DPP6: variants seen among roughly 807,000 people sequenced by gnomAD.
The protein encoded by DPP6 is dipeptidyl peptidase like 6.
Under a neutral mutation model 122.6 loss-of-function variants are expected in DPP6, and 69 were observed. That is an observed-to-expected ratio of 0.56 (90% confidence interval 0.46 to 0.69). The LOEUF is 0.69. Ranked by LOEUF, DPP6 falls within the 30% of genes least tolerant of loss-of-function variation. DPP6 has a pLI of 0.00. For synonymous variants in DPP6, 418 were observed against 433.1 expected (o/e 0.97, Z 0.43); for missense variants, 928 against 1,116.9 (o/e 0.83, Z 2.41).
intron 5 of DPP6, among the ~76,000 whole-genome samples, chr7:154,580,867 A>T (rs1832019827): frequency 6.6e-6 from 1 of 152,160 alleles, no homozygotes; most frequent in Non-Finnish European, 1.5e-5. Context: ...GTATCAAAAG[A>T]AGGCAGAAGA....
At chr7:154,851,600 T>C (rs1385498757) in intron 16 of DPP6, among the ~76,000 whole-genome samples, 3 of 152,178 alleles carry the variant, frequency 2.0e-5, no homozygotes, top group African/African-American at 7.2e-5. Flanking sequence ...TGCTGCCTCT[T>C]TGGGTATAAA....
At chr7:154,370,727 C>T (rs189679565) in intron 1 of DPP6, among the ~76,000 whole-genome samples, 1 of 152,312 alleles carries the variant, frequency 6.6e-6, no homozygotes, top group East Asian at 1.9e-4. Context: ...CAGAAATACT[C>T]AACCTAGATT....
intron 1 of DPP6, among the ~76,000 whole-genome samples, chr7:153,909,889 G>C (rs1253133676): frequency 6.6e-6 from 1 of 152,082 alleles, no homozygotes; most frequent in Non-Finnish European, 1.5e-5. Flanking sequence ...GGATATTGGA[G>C]CTGACACTGC....
At chr7:154,080,048 G>A (rs141561864) in intron 1 of DPP6, among the ~76,000 whole-genome samples, 7,572 of 150,812 alleles carry the variant, frequency 0.05, 558 homozygotes, top group African/African-American at 0.17. Context: ...ACGAGATAGC[G>A]CAGGCTGGGG....
chr7:154,470,588 TTTAACAAA>T (rs1482737606), intron 2 of DPP6, among the ~76,000 whole-genome samples: 1 of 152,184 alleles, frequency 6.6e-6, no homozygotes, highest in African/African-American at 2.4e-5. Context: ...AATTTTACTA[TTTAACAAA>T]TATCTGAGGA....
chr7:153,757,344 C>A, the DPP6 span, among the ~76,000 whole-genome samples: 1 of 152,160 alleles, frequency 6.6e-6, no homozygotes, highest in Non-Finnish European at 1.5e-5. Context: ...GTGCGCACAG[C>A]AGAACAAGTT....
chr7:153,935,070 C>G (rs1801367628), intron 1 of DPP6, among the ~76,000 whole-genome samples: 1 of 152,202 alleles, frequency 6.6e-6, no homozygotes, highest in African/African-American at 2.4e-5. Flanking sequence ...GGCGAATGTC[C>G]TGACATAACG....
the DPP6 span, among the ~76,000 whole-genome samples, chr7:153,825,035 C>G: frequency 1.3e-5 from 2 of 152,084 alleles, no homozygotes; most frequent in Non-Finnish European, 2.9e-5. Flanking sequence ...CTCAGTCACG[C>G]TACTCAGCTG....
At chr7:153,802,844 A>G in the DPP6 span, among the ~76,000 whole-genome samples, 1 of 152,168 alleles carries the variant, frequency 6.6e-6, no homozygotes, top group Non-Finnish European at 1.5e-5. Flanking sequence ...CTTTGAGGAC[A>G]CACCGAGGAT....
At chr7:154,441,586 A>G (rs77253090) in intron 1 of DPP6, among the ~76,000 whole-genome samples, 2,882 of 152,274 alleles carry the variant, frequency 0.019, 34 homozygotes, top group East Asian at 0.025. Context: ...AGGCAAATCC[A>G]TGAGAGATAC....
At chr7:154,347,977 T>C (rs1357550413) in intron 1 of DPP6, among the ~76,000 whole-genome samples, 1 of 152,160 alleles carries the variant, frequency 6.6e-6, no homozygotes, top group East Asian at 1.9e-4. Flanking sequence ...AACGTTGAAA[T>C]CATTTGTTTT....
intron 1 of DPP6, among the ~76,000 whole-genome samples, chr7:154,143,259 T>C (rs1795932700): frequency 6.6e-6 from 1 of 152,226 alleles, no homozygotes. Flanking sequence ...ATAAGTCTTT[T>C]CTGACCGTTC....
chr7:154,804,337 T>A (rs966162074), intron 14 of DPP6, among the ~76,000 whole-genome samples: 4 of 152,178 alleles, frequency 2.6e-5, no homozygotes, highest in Admixed American at 1.3e-4. Flanking sequence ...TTCCCCATTT[T>A]AAAAATAAGT....
chr7:154,607,853 G>A (rs1039343968), intron 5 of DPP6, among the ~76,000 whole-genome samples: 1 of 120,250 alleles, frequency 8.3e-6, no homozygotes, highest in Non-Finnish European at 1.9e-5. Context: ...AGTTTTGGAG[G>A]AGCCAAAATC....
At chr7:154,440,460 T>C (rs77082325) in intron 1 of DPP6, among the ~76,000 whole-genome samples, 1,579 of 152,300 alleles carry the variant, frequency 0.01, 21 homozygotes, top group African/African-American at 0.034. Context: ...AATGCTTTAT[T>C]GGACGATGAG....
At chr7:154,133,582 C>T (rs921146155) in intron 1 of DPP6, among the ~76,000 whole-genome samples, 4 of 152,110 alleles carry the variant, frequency 2.6e-5, no homozygotes, top group African/African-American at 4.8e-5. Context: ...CATTCTCCTT[C>T]GACTTCCTCA....
chr7:154,893,432 C>A lies in DPP6; in HGVS notation c.*952C>A, dbSNP rs1563338314. ...GTCCTCCTTGGTACCGTATCAAGCTCTTTCCCATGACATTTGGTTTAAAAA... is the reference window on the plus strand; with the variant it reads ...GTCCTCCTTGGTACCGTATCAAGCTATTTCCCATGACATTTGGTTTAAAAA... On this transcript the variant is annotated 3_prime_UTR_variant, in exon 26 of 26. Transcript: ENST00000377770. The A allele has an allele frequency of 8.0e-6, 1 of 125,406 alleles. No homozygotes were observed. Among genetic ancestry groups the A allele is most frequent in the East Asian group, 2.6e-4 (1 of 3,814 alleles). 7.8% of individuals were successfully genotyped at this position (125,406 alleles called of 1,614,324 possible).
intron 16 of DPP6, chr7:154,838,354 T>C (rs770126089): frequency 4.6e-5 from 7 of 152,190 alleles, no homozygotes; most frequent in Non-Finnish European, 7.3e-5. Context: ...AATATGGAAA[T>C]AGCGGCTTCT....
chr7:154,606,887 G>A lies in DPP6; in HGVS notation c.628-30934G>A, dbSNP rs1007509000. On this transcript the variant is annotated intron_variant, in intron 5 of 25. Coordinates refer to ENST00000377770, the MANE Select transcript of DPP6 (RefSeq NM_130797.4). ...TTATACACACACATACTTATAGACT[G>A]TACATGGCAGCATTCACAGTCCAGA... 7.4e-5 allele frequency among the ~76,000 whole-genome samples: 9 copies of A among 121,382 alleles called. 2 individuals carry two copies. The highest frequency in any genetic ancestry group is 1.5e-4 in the Non-Finnish European group (8 of 53,868). The allele number at this position is 121,382 out of a possible 152,430, so 79.6% of individuals were successfully genotyped here. A position where few individuals can be genotyped will look rare whatever the true frequency, so the allele number is the denominator to read the frequency against.
Sources: allele counts gnomAD v4.1 joint callset (sites outside exome capture counted in the v4.1 genomes callset), GRCh38; gene constraint gnomAD v4.1.1; transcripts MANE v1.5; gene names NCBI Gene and HGNC (gene_info 2026-07-23, HGNC 2026-07-21).